Variants in AUTS2 observed in about 807,000 individuals in gnomAD.
The protein encoded by AUTS2 is activator of transcription and developmental regulator AUTS2.
A neutral mutation model predicts 112.4 loss-of-function variants in AUTS2; 17 were observed. The observed-to-expected ratio is 0.15, with a 90% CI of 0.10 to 0.23. AUTS2 has a LOEUF of 0.23. Ranked by LOEUF, AUTS2 falls within the 10% of genes least tolerant of loss-of-function variation. The pLI is 1.00. For synonymous variants in AUTS2, 751 were observed against 702.7 expected, an observed-to-expected ratio of 1.07 and a Z score of -1.09; for missense variants, 1,510 against 1,701.6, an observed-to-expected ratio of 0.89 and a Z score of 1.98.
chr7:70,297,967 GCTTT>G (rs1386042940), intron 4 of AUTS2, among the ~76,000 whole-genome samples: 5 of 152,136 alleles, frequency 3.3e-5, no homozygotes, highest in Non-Finnish European at 7.4e-5. Flanking sequence ...CCTTTGCTCA[GCTTT>G]CTTAGAGCTT....
intron 5 of AUTS2, among the ~76,000 whole-genome samples, chr7:70,605,460 A>G (rs1036169211): frequency 1.3e-5 from 2 of 151,610 alleles, no homozygotes; most frequent in African/African-American, 4.8e-5. Flanking sequence ...GTTTACTACC[A>G]GGTACTCCTG....
At chr7:70,424,708 T>C (rs1014264504) in intron 4 of AUTS2, among the ~76,000 whole-genome samples, 27 of 152,240 alleles carry the variant, frequency 1.8e-4, no homozygotes, top group South Asian at 8.3e-4. Context: ...CACATCAGCC[T>C]CCCAGGTAGC....
chr7:70,307,387 G>A (rs1050503037), intron 4 of AUTS2, among the ~76,000 whole-genome samples: 1 of 152,156 alleles, frequency 6.6e-6, no homozygotes, highest in East Asian at 1.9e-4. Context: ...TTTCAGACTA[G>A]GGGTGGCAAA....
chr7:69,731,844 T>C (rs1786808266), intron 1 of AUTS2, among the ~76,000 whole-genome samples: 1 of 152,236 alleles, frequency 6.6e-6, no homozygotes, highest in South Asian at 2.1e-4. Flanking sequence ...GAGACATTCC[T>C]ATTTATTATG....
At chr7:70,150,909 A>G (rs1807397816) in intron 4 of AUTS2, among the ~76,000 whole-genome samples, 1 of 152,234 alleles carries the variant, frequency 6.6e-6, no homozygotes, top group Non-Finnish European at 1.5e-5. Context: ...AAAAGATAAA[A>G]TACATGACAC....
intron 5 of AUTS2, among the ~76,000 whole-genome samples, chr7:70,653,119 G>T (rs1806595567): frequency 6.6e-6 from 1 of 152,124 alleles, no homozygotes; most frequent in Admixed American, 6.5e-5. Flanking sequence ...ACCAGGCATG[G>T]TGGTACACAC....
chr7:70,057,605 A>G (rs1435050784), intron 2 of AUTS2, among the ~76,000 whole-genome samples: 1 of 152,246 alleles, frequency 6.6e-6, no homozygotes, highest in East Asian at 1.9e-4. Context: ...TCCCATTTTA[A>G]TGCTAGAAAA....
chr7:70,340,805 A>G (rs1231813427), intron 4 of AUTS2, among the ~76,000 whole-genome samples: 2 of 152,250 alleles, frequency 1.3e-5, no homozygotes, highest in Non-Finnish European at 2.9e-5. Context: ...TTCACACATC[A>G]TTTCGCAGCA....
intron 1 of AUTS2, among the ~76,000 whole-genome samples, chr7:69,754,389 C>G (rs150254156): frequency 5.6e-4 from 85 of 152,240 alleles, no homozygotes; most frequent in African/African-American, 1.9e-3. Flanking sequence ...TGTCTTTAGA[C>G]TTTTACTCTG....
chr7:70,038,490 T>C (rs1801105294), intron 2 of AUTS2, among the ~76,000 whole-genome samples: 1 of 152,178 alleles, frequency 6.6e-6, no homozygotes, highest in Non-Finnish European at 1.5e-5. Context: ...TTAAACACTC[T>C]TACCTAACTA....
chr7:70,778,995 C>G (rs577865908), intron 14 of AUTS2, among the ~76,000 whole-genome samples: 1 of 152,270 alleles, frequency 6.6e-6, no homozygotes, highest in South Asian at 2.1e-4. Flanking sequence ...TTAGAAAGAC[C>G]TCTTGAACAT....
intron 4 of AUTS2, among the ~76,000 whole-genome samples, chr7:70,258,250 G>C (rs1026841097): frequency 6.6e-6 from 1 of 152,208 alleles, no homozygotes; most frequent in African/African-American, 2.4e-5. Flanking sequence ...ATGTTGAGCA[G>C]TAACAACTGT....
At chr7:70,723,602 G>A (rs1044979083) in intron 6 of AUTS2, among the ~76,000 whole-genome samples, 1 of 151,768 alleles carries the variant, frequency 6.6e-6, no homozygotes, top group Non-Finnish European at 1.5e-5. Context: ...AGTGCTTGGA[G>A]GCATTTGAAG....
At chr7:69,740,809 A>C (rs1485660200) in intron 1 of AUTS2, among the ~76,000 whole-genome samples, 1 of 152,228 alleles carries the variant, frequency 6.6e-6, no homozygotes. Flanking sequence ...GGCATGAGCC[A>C]CTGCGCCCGG....
chr7:70,271,630 A>G (rs1017798922), intron 4 of AUTS2, among the ~76,000 whole-genome samples: 15 of 152,346 alleles, frequency 9.8e-5, no homozygotes, highest in African/African-American at 1.9e-4. Flanking sequence ...TCCCTGCAGA[A>G]TAGTACTGTG....
chr7:70,149,834 A>G (rs1170057803), intron 4 of AUTS2, among the ~76,000 whole-genome samples: 1 of 152,092 alleles, frequency 6.6e-6, no homozygotes, highest in African/African-American at 2.4e-5. Flanking sequence ...CAACATAGTA[A>G]GAAGCATAAT....
chr7:70,774,403 C>T, intron 12 of AUTS2: 1 of 347,856 alleles, frequency 2.9e-6, no homozygotes, highest in Non-Finnish European at 5.3e-6. Flanking sequence ...TCTTCTCTGT[C>T]TGTATCTCCT....
chr7:70,703,321 C>T (rs1809558668), intron 6 of AUTS2, among the ~76,000 whole-genome samples: 1 of 151,822 alleles, frequency 6.6e-6, no homozygotes, highest in Non-Finnish European at 1.5e-5. Flanking sequence ...ATAGCAAGAC[C>T]TCATCTCTAC....
intron 2 of AUTS2, among the ~76,000 whole-genome samples, chr7:69,962,706 G>T (rs1484605002): frequency 2.0e-5 from 3 of 151,978 alleles, no homozygotes; most frequent in Non-Finnish European, 4.4e-5. Context: ...ATGCATGCAT[G>T]TATGTGTATG....
Sources: allele counts gnomAD v4.1 joint callset (sites outside exome capture counted in the v4.1 genomes callset), GRCh38; gene constraint gnomAD v4.1.1; transcripts MANE v1.5; gene names NCBI Gene and HGNC (gene_info 2026-07-23, HGNC 2026-07-21).